ADAMTSL1: variants seen among roughly 807,000 people sequenced by gnomAD.
ADAMTSL1 encodes ADAMTS like 1.
In ADAMTSL1, 126 loss-of-function variants were observed where a neutral mutation model predicts 201.8. That is an observed-to-expected ratio of 0.62 (90% CI 0.54 to 0.72). The LOEUF is 0.72. Among genes scored for constraint, ADAMTSL1 ranks in the 30% least tolerant of loss-of-function variants. The pLI is 0.00. For missense variants in ADAMTSL1, 2,679 were observed against 2,277.8 expected, an observed-to-expected ratio of 1.18 and a Z score of -3.59; for synonymous variants, 1,121 against 903.4, an observed-to-expected ratio of 1.24 and a Z score of -4.32.
intron 26 of ADAMTSL1, among the ~76,000 whole-genome samples, chr9:18,893,244 G>C (rs1261318937): frequency 1.3e-5 from 2 of 152,018 alleles, no homozygotes; most frequent in Non-Finnish European, 2.9e-5. Context: ...GACAGCTCTG[G>C]TTCCAGGCCC....
intron 2 of ADAMTSL1, among the ~76,000 whole-genome samples, chr9:18,260,057 C>T (rs948967721): frequency 6.6e-6 from 1 of 152,130 alleles, no homozygotes. Flanking sequence ...GCATTTAAAC[C>T]GTCAAAGGCA....
intron 1 of ADAMTSL1, among the ~76,000 whole-genome samples, chr9:18,087,132 C>G (rs1823802100): frequency 6.6e-6 from 1 of 152,074 alleles, no homozygotes. Context: ...TATTTTTGTG[C>G]TTTCATTTTT....
chr9:18,598,445 A>G (rs1437448710), intron 4 of ADAMTSL1, among the ~76,000 whole-genome samples: 2 of 152,076 alleles, frequency 1.3e-5, no homozygotes, highest in African/African-American at 2.4e-5. Context: ...AAAGTACTTT[A>G]TTTGGATTAT....
intron 19 of ADAMTSL1, among the ~76,000 whole-genome samples, chr9:18,791,618 T>C (rs920434951): frequency 6.6e-6 from 1 of 152,226 alleles, no homozygotes; most frequent in African/African-American, 2.4e-5. Context: ...ACAGTTCCAT[T>C]TTATAAATAT....
At chr9:18,051,634 TG>T (rs1481884039) in intron 1 of ADAMTSL1, among the ~76,000 whole-genome samples, 1 of 152,144 alleles carries the variant, frequency 6.6e-6, no homozygotes, top group Non-Finnish European at 1.5e-5. Context: ...TTATTTACCA[TG>T]TAAATGGCAC....
At chr9:18,194,712 G>C (rs955030514) in intron 2 of ADAMTSL1, among the ~76,000 whole-genome samples, 3 of 152,054 alleles carry the variant, frequency 2.0e-5, no homozygotes, top group Admixed American at 6.6e-5. Context: ...TAGAACCCCA[G>C]TGCTGGAACC....
chr9:18,660,200 C>G (rs759370375), intron 8 of ADAMTSL1, among the ~76,000 whole-genome samples: 1 of 152,160 alleles, frequency 6.6e-6, no homozygotes, highest in Non-Finnish European at 1.5e-5. Context: ...GAAGACTGTT[C>G]TGAGTGAAGA....
chr9:18,731,586 GCAC>G (rs1313805830), intron 15 of ADAMTSL1, among the ~76,000 whole-genome samples: 4 of 152,080 alleles, frequency 2.6e-5, no homozygotes, highest in Non-Finnish European at 4.4e-5. Context: ...AGCCGTGAGT[GCAC>G]CATGCAGTCA....
At chr9:17,979,459 C>G (rs1818594431) in intron 1 of ADAMTSL1, among the ~76,000 whole-genome samples, 1 of 151,936 alleles carries the variant, frequency 6.6e-6, no homozygotes, top group African/African-American at 2.4e-5. Context: ...CAGGGTCATG[C>G]TTGATAAAGT....
chr9:18,164,967 A>G lies in ADAMTSL1; in HGVS notation c.207+986A>G, dbSNP rs1287474368. On this transcript the variant is annotated intron_variant, in intron 2 of 29. Transcript: ENST00000680146. Reference sequence around the variant, plus strand: ...AGCATTCACATCTTTCTCAAAGCATATGGCCCAGTGTGAGCAAGAATGGTG... The same window carrying G: ...AGCATTCACATCTTTCTCAAAGCATGTGGCCCAGTGTGAGCAAGAATGGTG... Among the ~76,000 whole-genome samples, 5 of 151,980 alleles carry G rather than the reference A, an allele frequency of 3.3e-5. 1 individual carries two copies. The South Asian group carries it at 8.3e-4, about 25-fold the overall frequency.
At chr9:18,347,404 A>T (rs929397059) in intron 2 of ADAMTSL1, among the ~76,000 whole-genome samples, 3 of 152,294 alleles carry the variant, frequency 2.0e-5, no homozygotes, top group South Asian at 2.1e-4. Context: ...GACATATTCA[A>T]TTCTAAGGAA....
intron 1 of ADAMTSL1, among the ~76,000 whole-genome samples, chr9:18,117,463 AGC>A (rs1229017823): frequency 2.0e-5 from 3 of 151,828 alleles, no homozygotes; most frequent in Non-Finnish European, 2.9e-5. Context: ...AGGACTGGAG[AGC>A]TCTTCCTCCA....
At chr9:18,469,136 A>G (rs192935304), upstream of ADAMTSL1, among the ~76,000 whole-genome samples, 27 of 152,296 alleles carry the variant, frequency 1.8e-4, no homozygotes, top group African/African-American at 6.5e-4. Flanking sequence ...AAGTCTGTGT[A>G]TATCTCAAAG....
intron 2 of ADAMTSL1, among the ~76,000 whole-genome samples, chr9:18,514,101 C>T (rs1017731949): frequency 1.3e-5 from 2 of 152,136 alleles, no homozygotes; most frequent in African/African-American, 4.8e-5. Flanking sequence ...ATTTTAACAA[C>T]ATTACTCTTC....
intron 2 of ADAMTSL1, among the ~76,000 whole-genome samples, chr9:18,521,879 A>T (rs1021161500): frequency 1.3e-5 from 2 of 152,200 alleles, no homozygotes; most frequent in Non-Finnish European, 2.9e-5. Flanking sequence ...ACCCACAGGG[A>T]TGGCTTGTCA....
At chr9:17,985,255 T>A (rs1818878615) in intron 1 of ADAMTSL1, among the ~76,000 whole-genome samples, 1 of 152,174 alleles carries the variant, frequency 6.6e-6, no homozygotes, top group Non-Finnish European at 1.5e-5. Flanking sequence ...GTAATCACCC[T>A]ATTCACCACA....
chr9:18,604,888 A>G (rs1422743474), intron 4 of ADAMTSL1, among the ~76,000 whole-genome samples: 1 of 152,032 alleles, frequency 6.6e-6, no homozygotes, highest in African/African-American at 2.4e-5. Context: ...TCTGCCTCCT[A>G]CTCATGCCTA....
chr9:18,521,961 T>C (rs552927724), intron 2 of ADAMTSL1, among the ~76,000 whole-genome samples: 1 of 152,306 alleles, frequency 6.6e-6, no homozygotes, highest in South Asian at 2.1e-4. Flanking sequence ...ACTCCAGTTC[T>C]AGTCCCTGGG....
intron 2 of ADAMTSL1, among the ~76,000 whole-genome samples, chr9:18,186,103 T>G (rs1026213666): frequency 1.3e-5 from 2 of 152,174 alleles, no homozygotes; most frequent in Admixed American, 6.5e-5. Flanking sequence ...CGTATTTCTG[T>G]GCAGCCTGGA....
Sources: gnomAD v4.1 joint callset for allele counts (sites outside exome capture counted in the v4.1 genomes callset) on GRCh38, gnomAD v4.1.1 for gene constraint, MANE v1.5 for transcripts, NCBI Gene and HGNC (gene_info 2026-07-23, HGNC 2026-07-21) for gene names.